PRRT3: variants seen among roughly 807,000 people sequenced by gnomAD.
PRRT3 encodes the protein proline-rich transmembrane protein 3.
A neutral mutation model predicts 56.6 loss-of-function variants in PRRT3; 48 were observed. That is an observed-to-expected ratio of 0.85 (90% CI 0.67 to 1.08). The LOEUF is 1.08. Among genes scored for constraint, PRRT3 ranks in the 50% least tolerant of loss-of-function variants. PRRT3 has a pLI of 0.00. For missense variants in PRRT3, 1,370 were observed against 1,353.1 expected, an observed-to-expected ratio of 1.01 and a Z score of -0.20; for synonymous variants, 641 against 619.1, an observed-to-expected ratio of 1.04 and a Z score of -0.52.
At position 9,949,247 on chromosome 3, in the gene PRRT3, T is replaced by C; in HGVS notation, c.869A>G (p.Lys290Arg). The C allele has an allele frequency of 1.2e-6, 2 of 1,603,066 alleles. No homozygotes were observed. Among genetic ancestry groups the C allele is most frequent in the Non-Finnish European group, 1.7e-6 (2 of 1,173,972 alleles). The change falls in exon 2 of 4, where the codon AAG becomes AGG. Residue 290 changes from lysine to arginine, a missense_variant. Coordinates refer to ENST00000412055, the MANE Select transcript of PRRT3 (RefSeq NM_207351.5). This position sits in a 1 kb window ranked among gnomAD's most constrained non-coding sequence, Gnocchi z 4.5. ...PAEELPVETP[K>R]RAGAEVSWEV... ...CCAGGACACCTCAGCGCCAGCCCTC[T>C]TGGGGGTCTCAACCGGCAGCTCCTC...
In PRRT3 at chr3:9,949,684, G is replaced by C; in HGVS notation, c.432C>G (p.Pro144=). 6.2e-7 allele frequency: 1 copy of C among 1,614,132 alleles called. No individual in the cohort carries two copies. The highest frequency in any genetic ancestry group is 8.5e-7 in the Non-Finnish European group (1 of 1,180,020). ...QELLQQEAVA[P]HPVGHPHLTF... The stretch of plus-strand genomic sequence containing the variant: ...TGAGATGAGGGTGGCCCACTGGGTG[G>C]GGAGCCACTGCTTCTTGCTGCAGAA... The change falls in exon 2 of 4, where the codon CCC becomes CCG. Residue 144 remains proline, a synonymous_variant. Coordinates refer to ENST00000412055, the MANE Select transcript of PRRT3 (RefSeq NM_207351.5). This position sits in a 1 kb window ranked among gnomAD's most constrained non-coding sequence, Gnocchi z 4.5.
chr3:9,952,287 C>G (rs2085632073), intron 1 of PRRT3, 35 bp downstream of exon 1: 3 of 152,406 alleles, frequency 2.0e-5, no homozygotes, highest in Admixed American at 2.0e-4. Context: ...CCGTCGGGGT[C>G]CCGCCATCGC....
intron 3 of PRRT3, chr3:9,948,417 C>T (rs2085564892): frequency 2.4e-6 from 1 of 420,738 alleles, no homozygotes; most frequent in South Asian, 7.2e-5. Context: ...GCAGCCTTGA[C>T]CTCCAGGACA....
chr3:9,948,289 A>G (rs1225058369), intron 3 of PRRT3: 1 of 361,060 alleles, frequency 2.8e-6, no homozygotes, highest in South Asian at 1.4e-4. Flanking sequence ...TCTGGAGACC[A>G]AGGAATAAGA....
Position 9,946,330 on chromosome 3 carries a change from G to A in PRRT3, c.2843C>T (p.Pro948Leu). The change falls in exon 4 of 4, where the codon CCT becomes CTT. Residue 948 changes from proline to leucine, a missense_variant. Physicochemically the swap from Pro to Leu is moderately conservative, Grantham distance 98. Coordinates refer to ENST00000412055, the MANE Select transcript of PRRT3 (RefSeq NM_207351.5). The surrounding 1 kb of genome is among the most constrained non-coding windows in gnomAD (Gnocchi z 4.1). ...VQLLPAPTPA[P>L]DSTAARQGDG... Reference sequence around the variant, plus strand: ...CCCCTGCCGAGCGGCGGTAGAATCAGGGGCTGGGGTCGGGGCAGGCAGTAG... The same window carrying A: ...CCCCTGCCGAGCGGCGGTAGAATCAAGGGCTGGGGTCGGGGCAGGCAGTAG... 17 of 1,612,492 alleles carry A rather than the reference G, an allele frequency of 1.1e-5. No homozygotes were observed. The highest frequency in any genetic ancestry group is 1.4e-5 in the Non-Finnish European group (17 of 1,179,726).
chr3:9,948,735 C>T, intron 3 of PRRT3, 23 bp downstream of exon 3: 1 of 1,613,774 alleles, frequency 6.2e-7, no homozygotes, highest in South Asian at 1.1e-5. Flanking sequence ...CTCCCTCTCC[C>T]CACACCCCAG....
Position 9,949,255 on chromosome 3 carries a change from C to A in PRRT3, c.861G>T (p.Glu287Asp). The A allele has an allele frequency of 6.2e-7, 1 of 1,602,480 alleles. No individual in the cohort carries two copies. The highest frequency in any genetic ancestry group is 8.5e-7 in the Non-Finnish European group (1 of 1,173,400). Residue 287 changes from glutamate to aspartate, a missense_variant, in exon 2 of 4, where the codon GAG becomes GAT. Glu to Asp is a conservative substitution (Grantham distance 45, BLOSUM62 2). Transcript: ENST00000412055. This position sits in a 1 kb window ranked among gnomAD's most constrained non-coding sequence, Gnocchi z 4.5. ...CCTCAGCGCCAGCCCTCTTGGGGGT[C>A]TCAACCGGCAGCTCCTCAGCAGGAG... ...SLPPAEELPVETPKRAGAEVS... is the reference protein window; with the variant it reads ...SLPPAEELPVDTPKRAGAEVS...
Position 9,949,176 on chromosome 3 carries a change from C to G in PRRT3, c.940G>C (p.Asp314His). ...GPPPKQADLP[D>H]AKDSPGPQPT... ...TGGGGTCCTGGTGAATCCTTAGCGTCAGGAAGGTCAGCCTGCTTGGGCGGG... is the reference window on the plus strand; with the variant it reads ...TGGGGTCCTGGTGAATCCTTAGCGTGAGGAAGGTCAGCCTGCTTGGGCGGG... Residue 314 changes from aspartate (D) to histidine (H), a missense_variant, in exon 2 of 4, where the codon GAC (aspartate) becomes CAC (histidine). By Grantham distance (81) the Asp-to-His change is moderately conservative. Coordinates refer to ENST00000412055, the MANE Select transcript of PRRT3 (RefSeq NM_207351.5). The surrounding 1 kb of genome is among the most constrained non-coding windows in gnomAD (Gnocchi z 4.5). 2 of 1,612,294 alleles carry G rather than the reference C, an allele frequency of 1.2e-6. No individual in the cohort carries two copies. Among genetic ancestry groups the G allele is most frequent in the Non-Finnish European group, 1.7e-6 (2 of 1,179,406 alleles).
In PRRT3 at chr3:9,947,960, G is replaced by T; in HGVS notation, c.1213C>A (p.Pro405Thr). ...GAGGGGGCCTGGACTGGGGGTGCTG[G>T]GGGATGGCTTTGGGGGCGCCCCGGC... ...EWPGRPQSHPPAPPVQAPSTS... is the reference protein window; with the variant it reads ...EWPGRPQSHPTAPPVQAPSTS... Residue 405 changes from proline (P) to threonine (T), a missense_variant, in exon 4 of 4, where the codon CCA becomes ACA. By Grantham distance (38) the Pro-to-Thr change is conservative (BLOSUM62 -1). Coordinates refer to ENST00000412055, the MANE Select transcript of PRRT3 (RefSeq NM_207351.5). This position sits in a 1 kb window ranked among gnomAD's most constrained non-coding sequence, Gnocchi z 9.2. 4 of 1,378,776 alleles carry T rather than the reference G, an allele frequency of 2.9e-6. No homozygotes were observed. The highest frequency in any genetic ancestry group is 3.7e-6 in the Non-Finnish European group (4 of 1,068,932). The allele number at this position is 1,378,776 out of a possible 1,614,324, so 85.4% of individuals were successfully genotyped here.
rs1156837303 is a variant in PRRT3 at position 9,946,893 on chromosome 3, C to G, written c.2280G>C (p.Glu760Asp). 6.5e-7 allele frequency: 1 copy of G among 1,539,242 alleles called. No individual in the cohort carries two copies. The highest frequency in any genetic ancestry group is 2.0e-5 in the Admixed American group (1 of 51,244). Residue 760 changes from glutamate (E) to aspartate (D), a missense_variant, in exon 4 of 4, where the codon GAG (glutamate) becomes GAC (aspartate). Coordinates refer to ENST00000412055, the MANE Select transcript of PRRT3 (RefSeq NM_207351.5). The surrounding 1 kb of genome is among the most constrained non-coding windows in gnomAD (Gnocchi z 4.1). ...ISKSLIRNPA[E>D]SGQLATPSSG... ...AACTGGGCGTGGCCAGCTGCCCACTCTCCGCCGGGTTGCGGATGAGGCTCT... is the reference window on the plus strand; with the variant it reads ...AACTGGGCGTGGCCAGCTGCCCACTGTCCGCCGGGTTGCGGATGAGGCTCT...
In PRRT3 at chr3:9,947,176, C is replaced by A. The variant is rs1430739227; in HGVS notation, c.1997G>T (p.Gly666Val). Residue 666 changes from glycine (G) to valine (V), a missense_variant, in exon 4 of 4, where the codon GGC (glycine) becomes GTC (valine). Gly to Val is a moderately radical substitution (Grantham distance 109, BLOSUM62 -3). Coordinates refer to ENST00000412055, the MANE Select transcript of PRRT3 (RefSeq NM_207351.5). This position sits in a 1 kb window ranked among gnomAD's most constrained non-coding sequence, Gnocchi z 9.2. ...AAALWLYPGP[G>V]RVGRFSWAWW... ...GGCCCACGAGAAGCGGCCCACGCGG[C>A]CTGGGCCCGGGTACAGCCAGAGCGC... 2 of 1,533,038 alleles carry A rather than the reference C, an allele frequency of 1.3e-6. No homozygotes were observed. The highest frequency in any genetic ancestry group is 2.8e-5 in the African/African-American group (2 of 72,360). The allele number at this position is 1,533,038 out of a possible 1,614,324, so 95.0% of individuals were successfully genotyped here.
rs903373967 is a variant in PRRT3, at chr3:9,950,118, T to A, written c.-3A>T. ...CAGCCCCATGGGCTGGAGGCCATGGTCTACTCCGATGCCTGGGCCTAAAGC... is the reference window on the plus strand; with the variant it reads ...CAGCCCCATGGGCTGGAGGCCATGGACTACTCCGATGCCTGGGCCTAAAGC... On this transcript the variant is annotated 5_prime_UTR_variant, in exon 2 of 4. Coordinates refer to ENST00000412055, the MANE Select transcript of PRRT3 (RefSeq NM_207351.5). The A allele has an allele frequency of 3.4e-6, 5 of 1,454,632 alleles. No homozygotes were observed. The African/African-American group carries it at 7.1e-5, about 21-fold the overall frequency. The allele number at this position is 1,454,632 out of a possible 1,614,324, so 90.1% of individuals were successfully genotyped here.
Position 9,947,211 on chromosome 3 carries a change from C to G in PRRT3, c.1962G>C (p.Gln654His), listed in dbSNP as rs2085540919. Residue 654 changes from glutamine to histidine, a missense_variant, in exon 4 of 4, where the codon CAG becomes CAC. Coordinates refer to ENST00000412055, the MANE Select transcript of PRRT3 (RefSeq NM_207351.5). The surrounding 1 kb of genome is among the most constrained non-coding windows in gnomAD (Gnocchi z 9.2). The stretch of plus-strand genomic sequence containing the variant: ...GGTACAGCCAGAGCGCAGCCGCCAG[C>G]TGCAAGCCGCTAGCCAGCAGCCCCA... ...GALGLLASGL[Q>H]LAAALWLYPG... 13 of 1,515,446 alleles carry G rather than the reference C, an allele frequency of 8.6e-6. No homozygotes were observed. Among genetic ancestry groups the G allele is most frequent in the Non-Finnish European group, 1.1e-5 (13 of 1,138,518 alleles). 93.9% of individuals were successfully genotyped at this position (1,515,446 alleles called of 1,614,324 possible). A position where few individuals can be genotyped will look rare whatever the true frequency, so the allele number is the denominator to read the frequency against.
intron 2 of PRRT3, 71 bp from the exon 3 acceptor site, chr3:9,948,984 A>C: frequency 6.6e-7 from 1 of 1,518,370 alleles, no homozygotes; most frequent in Non-Finnish European, 8.8e-7. Flanking sequence ...GGATTGAGTC[A>C]CAATCAACCT....
Position 9,947,810 on chromosome 3 carries a change from C to A in PRRT3, c.1363G>T (p.Ala455Ser). ...PASSPPANAT[A>S]PPLRWGPLRR... ...AGGGGGCCCCAGCGTAGCGGGGGTG[C>A]AGTGGCGTTGGCTGGGGGGCTGGAG... The change falls in exon 4 of 4, where the codon GCA becomes TCA. Residue 455 changes from alanine (A) to serine (S), a missense_variant. Ala to Ser is a moderately conservative substitution (Grantham distance 99). Coordinates refer to ENST00000412055, the MANE Select transcript of PRRT3 (RefSeq NM_207351.5). This position sits in a 1 kb window ranked among gnomAD's most constrained non-coding sequence, Gnocchi z 9.2. 6.9e-7 allele frequency: 1 copy of A among 1,449,094 alleles called. No individual in the cohort carries two copies. Among genetic ancestry groups the A allele is most frequent in the Non-Finnish European group, 9.1e-7 (1 of 1,101,248 alleles). 89.8% of individuals were successfully genotyped at this position (1,449,094 alleles called of 1,614,324 possible).
intron 3 of PRRT3, 156 bp downstream of exon 3, chr3:9,948,602 T>C (rs978895475): frequency 9.1e-6 from 7 of 772,640 alleles, no homozygotes; most frequent in East Asian, 2.6e-5. Context: ...TATGAATTTA[T>C]TATCCTAGGT....
Position 9,946,289 on chromosome 3 carries a change from C to T in PRRT3, c.2884G>A (p.Val962Ile). 4.3e-6 allele frequency: 7 copies of T among 1,612,730 alleles called. No homozygotes were observed. The highest frequency in any genetic ancestry group is 5.9e-6 in the Non-Finnish European group (7 of 1,179,862). Reference protein sequence around the residue: ...AARQGDGQGEVQPRGKPGESR... With the variant: ...AARQGDGQGEIQPRGKPGESR... ...TCCCCAGGCTTGCCGCGCGGCTGGACCTCTCCCTGGCCGTCCCCCTGCCGA... is the reference window on the plus strand; with the variant it reads ...TCCCCAGGCTTGCCGCGCGGCTGGATCTCTCCCTGGCCGTCCCCCTGCCGA... Residue 962 changes from valine to isoleucine, a missense_variant, in exon 4 of 4, where the codon GTC becomes ATC. By Grantham distance (29) the Val-to-Ile change is conservative (BLOSUM62 3). Transcript: ENST00000412055. The surrounding 1 kb of genome is among the most constrained non-coding windows in gnomAD (Gnocchi z 4.1).
intron 3 of PRRT3, 126 bp downstream of exon 3, chr3:9,948,632 G>A: frequency 9.2e-7 from 1 of 1,092,692 alleles, no homozygotes; most frequent in Non-Finnish European, 1.4e-6. Flanking sequence ...GAGGCCCTGG[G>A]CAACTCCTTT....
At position 9,946,370 on chromosome 3, in the gene PRRT3, G is replaced by T; in HGVS notation, c.2803C>A (p.Pro935Thr). ...SVDSLPLDELPSTVQLLPAPT... is the reference protein window; with the variant it reads ...SVDSLPLDELTSTVQLLPAPT... ...GCAGGCAGTAGCTGTACCGTGCTGGGCAACTCATCTAGGGGCAGACTGTCC... is the reference window on the plus strand; with the variant it reads ...GCAGGCAGTAGCTGTACCGTGCTGGTCAACTCATCTAGGGGCAGACTGTCC... The change falls in exon 4 of 4, where the codon CCC becomes ACC. Residue 935 changes from proline to threonine, a missense_variant. Transcript: ENST00000412055. The surrounding 1 kb of genome is among the most constrained non-coding windows in gnomAD (Gnocchi z 4.1). 1 of 1,609,960 alleles carries T rather than the reference G, an allele frequency of 6.2e-7. No individual in the cohort carries two copies. The highest frequency in any genetic ancestry group is 8.5e-7 in the Non-Finnish European group (1 of 1,177,948).
Sources: gnomAD v4.1 joint callset for allele counts on GRCh38, gnomAD v4.1.1 for gene constraint, Gnocchi (gnomAD v3.1) non-coding constraint, MANE v1.5 for transcripts, NCBI Gene and HGNC (gene_info 2026-07-23, HGNC 2026-07-21) for gene names.